The following GHRHR variants were observed in gnomAD, a reference collection of about 807,000 sequenced individuals.
GHRHR encodes the protein growth hormone releasing hormone receptor.
In GHRHR, 40 loss-of-function variants were observed where a neutral mutation model predicts 58.3. The observed-to-expected ratio is 0.69, with a 90% CI of 0.53 to 0.89. The LOEUF is 0.89. Ranked by LOEUF, GHRHR falls within the 40% of genes least tolerant of loss-of-function variation. GHRHR has a pLI of 0.00. For synonymous variants in GHRHR, 249 were observed against 216.6 expected, an observed-to-expected ratio of 1.15 and a Z score of -1.31; for missense variants, 551 against 541.3, an observed-to-expected ratio of 1.02 and a Z score of -0.18.
chr7:30,968,288 T>C (rs1792397644), intron 1 of GHRHR, among the ~76,000 whole-genome samples: 1 of 152,082 alleles, frequency 6.6e-6, no homozygotes, highest in South Asian at 2.1e-4. Context: ...GCAGAACTGC[T>C]TCCAGGGAGC....
chr7:30,972,430 G>C (rs890857659), intron 6 of GHRHR, among the ~76,000 whole-genome samples: 2 of 151,954 alleles, frequency 1.3e-5, no homozygotes, highest in Non-Finnish European at 2.9e-5. Context: ...GGGTGTGTAC[G>C]CAAGGGGCTG....
At chr7:30,974,287 A>ACCAGGACCCCAGAG in intron 7 of GHRHR, 142 bp from the exon 8 acceptor site, 1 of 1,128,808 alleles carries the variant, frequency 8.9e-7, no homozygotes, top group Non-Finnish European at 1.3e-6. Context: ...GGAGGGTGGG[A>ACCAGGACCCCAGAG]CCAGGGCCCT....
intron 11 of GHRHR, among the ~76,000 whole-genome samples, chr7:30,976,927 C>G (rs1158755198): frequency 6.9e-6 from 1 of 144,932 alleles, no homozygotes; most frequent in Non-Finnish European, 1.5e-5. Context: ...CATCCATCCA[C>G]CCACCCACTC....
intron 9 of GHRHR, among the ~76,000 whole-genome samples, chr7:30,975,401 G>C (rs1179756090): frequency 1.3e-5 from 2 of 152,218 alleles, no homozygotes; most frequent in Non-Finnish European, 2.9e-5. Flanking sequence ...ACAACACAGA[G>C]GCAGTGAAGA....
At chr7:30,971,256 C>T (rs781239679) in intron 5 of GHRHR, 40 bp downstream of exon 5, 1 of 879,310 alleles carries the variant, frequency 1.1e-6, no homozygotes, top group South Asian at 1.4e-5. Flanking sequence ...CCTTCCTTGG[C>T]TCCTTATTTC....
chr7:30,969,957 C>T lies in GHRHR; in HGVS notation c.359C>T (p.Ala120Val), dbSNP rs138751215. ...VACPVPLELL[A>V]EEESYFSTVK... is the part of the protein sequence containing the mutation. ...TGCCCTGTGCCTCTGGAGCTGCTGG[C>T]TGAGGAGGTAAGAGTCTTCTGGCAT... Residue 120 changes from alanine to valine, a missense_variant, in exon 4 of 13, where the codon GCT becomes GTT. Ala to Val is a moderately conservative substitution (Grantham distance 64, BLOSUM62 0). Coordinates refer to ENST00000326139, the MANE Select transcript of GHRHR (RefSeq NM_000823.4). 2.7e-4 allele frequency: 339 copies of T among 1,259,010 alleles called. 5 individuals are homozygous for T. Among genetic ancestry groups the T allele is most frequent in the Non-Finnish European group, 4.8e-5 (41 of 855,102 alleles). 78.0% of individuals were successfully genotyped at this position (1,259,010 alleles called of 1,614,324 possible).
chr7:30,977,926 C>A (rs577789346), intron 12 of GHRHR, among the ~76,000 whole-genome samples: 4 of 152,212 alleles, frequency 2.6e-5, no homozygotes, highest in African/African-American at 9.7e-5. Flanking sequence ...CAGAGACTGA[C>A]GCAAAGTGAA....
chr7:30,971,493 C>T (rs1156342149), intron 5 of GHRHR, among the ~76,000 whole-genome samples: 1 of 152,190 alleles, frequency 6.6e-6, no homozygotes, highest in African/African-American at 2.4e-5. Context: ...AGCCCAGCTC[C>T]TATCTGCATC....
chr7:30,975,038 G>A lies in GHRHR; in HGVS notation c.880G>A (p.Gly294Arg), dbSNP rs748546851. 1.4e-5 allele frequency: 22 copies of A among 1,607,800 alleles called. No individual in the cohort carries two copies. In the Admixed American group the frequency reaches 1.8e-4, roughly 13 times the overall value. Residue 294 changes from glycine (G) to arginine (R), a missense_variant and splice_region_variant, in exon 9 of 13, where the codon GGG becomes AGG. Transcript: ENST00000326139. ...CAAAGGGCCCATTGTCCTCTCGGTCGGGGTCAGTCCCTGGGCCAGTGCCCT... is the reference window on the plus strand; with the variant it reads ...CAAAGGGCCCATTGTCCTCTCGGTCAGGGTCAGTCCCTGGGCCAGTGCCCT... ...IIKGPIVLSV[G>R]VNFGLFLNII...
intron 1 of GHRHR, among the ~76,000 whole-genome samples, chr7:30,965,706 A>G (rs2128596432): frequency 6.6e-6 from 1 of 152,230 alleles, no homozygotes; most frequent in Admixed American, 6.5e-5. Flanking sequence ...TGGCCCTGAA[A>G]AGTTTCCCAG....
At chr7:30,975,677 A>C in intron 9 of GHRHR, 100 bp from the exon 10 acceptor site, 1 of 752,856 alleles carries the variant, frequency 1.3e-6, no homozygotes, top group Non-Finnish European at 2.5e-6. Flanking sequence ...CGTCTCAAGG[A>C]TTTAAATTTT....
chr7:30,965,628 T>C (rs1792332351), intron 1 of GHRHR, among the ~76,000 whole-genome samples: 1 of 152,242 alleles, frequency 6.6e-6, no homozygotes, highest in African/African-American at 2.4e-5. Flanking sequence ...GTGTGGGCAC[T>C]GTCTGTTCAT....
rs748432685 is a variant in GHRHR at position 30,976,540 on chromosome 7, GGGACT to G, written c.1089_1093del (p.Leu364PhefsTer21). The G allele has an allele frequency of 2.1e-4, 331 of 1,613,360 alleles. No individual in the cohort carries two copies. The highest frequency in any genetic ancestry group is 2.7e-4 in the Non-Finnish European group (317 of 1,179,700). ...TGGGCATCCGCCTCCCCCTGGAGCT[GGGACT>G]GGGTTCCTTCCAGGTGAGGGCCCCC... On this transcript the variant is annotated frameshift_variant, in exon 11 of 13. Coordinates refer to ENST00000326139, the MANE Select transcript of GHRHR (RefSeq NM_000823.4). LOFTEE classifies it high-confidence loss of function.
intron 1 of GHRHR, among the ~76,000 whole-genome samples, chr7:30,966,959 C>A (rs1219536001): frequency 6.6e-6 from 1 of 152,174 alleles, no homozygotes; most frequent in Non-Finnish European, 1.5e-5. Context: ...TGCTTCTGAT[C>A]ACAGTTTGCG....
chr7:30,966,682 G>A (rs1022209445), intron 1 of GHRHR, among the ~76,000 whole-genome samples: 20 of 150,298 alleles, frequency 1.3e-4, no homozygotes, highest in East Asian at 5.8e-4. Flanking sequence ...TCACTTTATC[G>A]CCCAGGCTGG....
Position 30,963,996 on chromosome 7 carries a change from C to T in GHRHR, c.-73C>T. On this transcript the variant is annotated 5_prime_UTR_variant, in exon 1 of 13. Transcript: ENST00000326139. The stretch of plus-strand genomic sequence containing the variant: ...GAGGGTGCGGTGGAAACGGCTGTGT[C>T]AGGGGACAGCAGGGGAAGGAAGATA... The T allele has an allele frequency of 7.3e-7, 1 of 1,368,432 alleles. No homozygotes were observed. Among genetic ancestry groups the T allele is most frequent in the Non-Finnish European group, 1.0e-6 (1 of 982,068 alleles). The allele number at this position is 1,368,432 out of a possible 1,614,324, so 84.8% of individuals were successfully genotyped here.
intron 9 of GHRHR, 87 bp downstream of exon 9, chr7:30,975,127 C>A (rs1792553422): frequency 1.1e-6 from 1 of 919,988 alleles, no homozygotes. Context: ...AAATGCAACT[C>A]CAGGCTGGGT....
At chr7:30,964,185 A>T in intron 1 of GHRHR, 60 bp downstream of exon 1, 1 of 1,423,470 alleles carries the variant, frequency 7.0e-7, no homozygotes. Context: ...TGGGAGCCAC[A>T]GGGCCAACTG....
Position 30,965,549 on chromosome 7 carries a change from T to C in GHRHR, c.57+1424T>C, listed in dbSNP as rs866493504. The stretch of plus-strand genomic sequence containing the variant: ...TCCCTCCCTAGAATCTCTCCTTACA[T>C]CTGGCCCTATGCCCACACATCCTGA... On this transcript the variant is annotated intron_variant, in intron 1 of 12. Transcript: ENST00000326139. 3.3e-5 allele frequency among the ~76,000 whole-genome samples: 5 copies of C among 152,352 alleles called. No individual in the cohort carries two copies. The South Asian group carries it at 1.0e-3, about 32-fold the overall frequency.
Sources: gnomAD v4.1 joint callset for allele counts (sites outside exome capture counted in the v4.1 genomes callset) on GRCh38, gnomAD v4.1.1 for gene constraint, MANE v1.5 for transcripts, NCBI Gene and HGNC (gene_info 2026-07-23, HGNC 2026-07-21) for gene names.